ZNF804A: variants seen among roughly 807,000 people sequenced by gnomAD.
The protein encoded by ZNF804A is zinc finger protein 804A.
In ZNF804A, 2 loss-of-function variants were observed where a neutral mutation model predicts 16.5. The ratio of observed to expected loss-of-function variants is 0.12; its 90% CI spans 0.05 to 0.38. The LOEUF (loss-of-function observed/expected upper bound fraction) is 0.38, where lower values mean the gene tolerates loss of function less well. Ranked by LOEUF, ZNF804A falls within the 10% of genes least tolerant of loss-of-function variation. The pLI is 0.99. For missense variants in ZNF804A, 1,473 were observed against 1,390.7 expected (o/e 1.06, Z -0.94); for synonymous variants, 534 against 489.6 (o/e 1.09, Z -1.20).
At chr2:184,909,866 A>G (rs1685329895) in intron 2 of ZNF804A, among the ~76,000 whole-genome samples, 1 of 152,080 alleles carries the variant, frequency 6.6e-6, no homozygotes, top group Non-Finnish European at 1.5e-5. Context: ...GCAATTGTTC[A>G]GATCAAAAGC....
chr2:184,883,412 C>T (rs572208237), intron 2 of ZNF804A, among the ~76,000 whole-genome samples: 24 of 152,208 alleles, frequency 1.6e-4, no homozygotes, highest in South Asian at 1.5e-3. Context: ...AGATTCCTCC[C>T]TAACTCTTCT....
chr2:184,856,918 A>G (rs1695698317), intron 1 of ZNF804A, among the ~76,000 whole-genome samples: 2 of 152,088 alleles, frequency 1.3e-5, no homozygotes, highest in South Asian at 2.1e-4. Flanking sequence ...CCAGTACTTC[A>G]TGATTCAGTC....
At chr2:184,622,181 G>A (rs1309393029) in intron 1 of ZNF804A, among the ~76,000 whole-genome samples, 1 of 151,598 alleles carries the variant, frequency 6.6e-6, no homozygotes, top group Non-Finnish European at 1.5e-5. Flanking sequence ...TCATTGAAAG[G>A]GTACAATGAT....
chr2:184,661,601 A>C (rs1025952301), intron 1 of ZNF804A, among the ~76,000 whole-genome samples: 1 of 152,178 alleles, frequency 6.6e-6, no homozygotes, highest in Admixed American at 6.5e-5. Flanking sequence ...AAAAAGCACC[A>C]TTCAATTGGT....
At chr2:184,608,959 AAAG>A (rs1691194779) in intron 1 of ZNF804A, among the ~76,000 whole-genome samples, 1 of 152,224 alleles carries the variant, frequency 6.6e-6, no homozygotes, top group Admixed American at 6.5e-5. Flanking sequence ...GCAAAAAAGA[AAAG>A]AAGTTTAACT....
chr2:184,727,319 G>A (rs1288159895), intron 1 of ZNF804A, among the ~76,000 whole-genome samples: 1 of 151,480 alleles, frequency 6.6e-6, no homozygotes, highest in South Asian at 2.1e-4. Context: ...CAATATGAAA[G>A]AATTGTCTGA....
intron 1 of ZNF804A, among the ~76,000 whole-genome samples, chr2:184,788,283 A>G (rs1380759471): frequency 2.6e-5 from 4 of 151,776 alleles, no homozygotes; most frequent in African/African-American, 9.7e-5. Context: ...GATACCTTCA[A>G]ATTTGTTCTT....
At chr2:184,705,790 C>G (rs756319982) in intron 1 of ZNF804A, among the ~76,000 whole-genome samples, 1 of 152,134 alleles carries the variant, frequency 6.6e-6, no homozygotes, top group Non-Finnish European at 1.5e-5. Context: ...ATTTCATGTG[C>G]TGGGGTGGTA....
intron 1 of ZNF804A, among the ~76,000 whole-genome samples, chr2:184,784,833 A>G (rs1694423291): frequency 6.6e-6 from 1 of 152,014 alleles, no homozygotes; most frequent in South Asian, 2.1e-4. Flanking sequence ...CATTGTAAAA[A>G]CAACAATGCC....
chr2:184,666,499 T>C (rs1029403072), intron 1 of ZNF804A, among the ~76,000 whole-genome samples: 3 of 152,012 alleles, frequency 2.0e-5, no homozygotes, highest in Admixed American at 6.6e-5. Flanking sequence ...TTATATCTAA[T>C]ATAAAAATTT....
chr2:184,792,316 G>A (rs374518017), intron 1 of ZNF804A, among the ~76,000 whole-genome samples: 53 of 152,212 alleles, frequency 3.5e-4, no homozygotes, highest in East Asian at 1.5e-3. Flanking sequence ...GCCCAACATC[G>A]TTGTAAGAAT....
At chr2:184,877,010 A>T (rs1684700558) in intron 2 of ZNF804A, among the ~76,000 whole-genome samples, 1 of 152,176 alleles carries the variant, frequency 6.6e-6, no homozygotes, top group Admixed American at 6.5e-5. Flanking sequence ...AAACTTTTAT[A>T]TGCATTAAAA....
chr2:184,829,759 A>G (rs1695228874), intron 1 of ZNF804A, among the ~76,000 whole-genome samples: 1 of 151,606 alleles, frequency 6.6e-6, no homozygotes, highest in Non-Finnish European at 1.5e-5. Flanking sequence ...CCTATTTTAA[A>G]ACTTATAAAA....
chr2:184,627,598 G>A (rs1358969361), intron 1 of ZNF804A, among the ~76,000 whole-genome samples: 2 of 152,058 alleles, frequency 1.3e-5, no homozygotes, highest in African/African-American at 4.8e-5. Context: ...GACATTTGTT[G>A]AATAATAAGT....
Position 184,938,399 on chromosome 2 carries a change from A to C in ZNF804A, c.3003A>C (p.Thr1001=), listed in dbSNP as rs564150792. The change falls in exon 4 of 4, where the codon ACA becomes ACC. Residue 1001 remains threonine, a synonymous_variant. Coordinates refer to ENST00000302277, the MANE Select transcript of ZNF804A (RefSeq NM_194250.2). ...WLRYNSGILN[T]QPPLPFKEAH... is the part of the protein sequence containing the mutation. ...GTTATAATTCAGGAATCCTTAACAC[A>C]CAACCACCATTACCATTCAAAGAAG... The C allele has an allele frequency of 1.1e-5, 18 of 1,614,116 alleles. No homozygotes were observed. The highest frequency in any genetic ancestry group is 2.7e-5 in the African/African-American group (2 of 75,034).
At chr2:184,812,917 C>T (rs1041699083) in intron 1 of ZNF804A, among the ~76,000 whole-genome samples, 5 of 151,932 alleles carry the variant, frequency 3.3e-5, no homozygotes, top group African/African-American at 9.7e-5. Context: ...AATAATAACT[C>T]GTGAAAAACA....
At chr2:184,678,730 C>T (rs1692482735) in intron 1 of ZNF804A, among the ~76,000 whole-genome samples, 1 of 152,106 alleles carries the variant, frequency 6.6e-6, no homozygotes, top group Non-Finnish European at 1.5e-5. Context: ...TCAAGAAAAA[C>T]AATGAACACA....
chr2:184,919,755 T>G (rs374564228), intron 2 of ZNF804A, among the ~76,000 whole-genome samples: 112 of 152,252 alleles, frequency 7.4e-4, no homozygotes, highest in African/African-American at 2.6e-3. Flanking sequence ...AACAACAAAA[T>G]TCACTACTTG....
intron 1 of ZNF804A, among the ~76,000 whole-genome samples, chr2:184,682,061 C>G (rs2105719571): frequency 6.6e-6 from 1 of 152,346 alleles, no homozygotes; most frequent in East Asian, 1.9e-4. Context: ...TGGGCACCAA[C>G]AAGCTTAGGG....
Sources: gnomAD v4.1 joint callset for allele counts (sites outside exome capture counted in the v4.1 genomes callset) on GRCh38, gnomAD v4.1.1 for gene constraint, MANE v1.5 for transcripts, NCBI Gene and HGNC (gene_info 2026-07-23, HGNC 2026-07-21) for gene names.